The following TSC22D1 variants were observed in gnomAD, a reference collection of about 807,000 sequenced individuals.
TSC22D1 encodes TSC22 domain family protein 1.
TSC22D1 carries 9 observed loss-of-function variants against 74.2 expected under a neutral mutation model. That is an observed-to-expected ratio of 0.12 (90% CI 0.07 to 0.21). The LOEUF is 0.21. TSC22D1 is among the 10% of genes least tolerant of loss of function. The pLI, the probability that TSC22D1 is intolerant of heterozygous loss-of-function variation, is 1.00. For missense variants in TSC22D1, 1,427 were observed against 1,304.7 expected (o/e 1.09, Z -1.44); for synonymous variants, 586 against 492.5 (o/e 1.19, Z -2.51).
At chr13:44,436,778 A>C in intron 1 of TSC22D1, 4 of 1,462,628 alleles carry the variant, frequency 2.7e-6, no homozygotes, top group Non-Finnish European at 3.6e-6. Context: ...CTAGGGCTTG[A>C]TGATCCCAGG....
At chr13:44,554,935 T>G (rs1327733180) in intron 1 of TSC22D1, among the ~76,000 whole-genome samples, 2 of 152,174 alleles carry the variant, frequency 1.3e-5, no homozygotes, top group Non-Finnish European at 2.9e-5. Flanking sequence ...ATGGTACTAA[T>G]GGCATTTAAG....
chr13:44,534,925 T>C (rs1356925682), intron 1 of TSC22D1, among the ~76,000 whole-genome samples: 1 of 152,152 alleles, frequency 6.6e-6, no homozygotes, highest in African/African-American at 2.4e-5. Flanking sequence ...TACAGTATTT[T>C]TACAGTGCTC....
At chr13:44,536,871 T>A in intron 1 of TSC22D1, 1 of 974,134 alleles carries the variant, frequency 1.0e-6, no homozygotes, top group Non-Finnish European at 1.2e-6. Flanking sequence ...ATTTCATACA[T>A]TCACTGGTGA....
At chr13:44,508,718 T>A (rs777801882) in intron 1 of TSC22D1, among the ~76,000 whole-genome samples, 1 of 152,154 alleles carries the variant, frequency 6.6e-6, no homozygotes, top group Non-Finnish European at 1.5e-5. Flanking sequence ...TGGCCCCTGC[T>A]TACCTCTGCA....
chr13:44,573,947 C>A lies in TSC22D1; in HGVS notation c.2128G>T (p.Val710Phe), dbSNP rs1352882023. The change falls in exon 1 of 3, where the codon GTC (valine) becomes TTC (phenylalanine). Residue 710 changes from valine (V) to phenylalanine (F), a missense_variant. Transcript: ENST00000458659. ...GCCGGAGCCTGGCCAACAGGCTGGA[C>A]AGATGCCCCTGCAGGTTGTGCTGGG... Reference protein sequence around the residue: ...AVPAQPAGASVQPVGQAPAAV... With the variant: ...AVPAQPAGASFQPVGQAPAAV... 1 of 1,614,140 alleles carries A rather than the reference C, an allele frequency of 6.2e-7. No homozygotes were observed. Among genetic ancestry groups the A allele is most frequent in the South Asian group, 1.1e-5 (1 of 91,090 alleles).
chr13:44,448,826 G>C (rs769136571), intron 1 of TSC22D1, among the ~76,000 whole-genome samples: 5 of 152,102 alleles, frequency 3.3e-5, no homozygotes, highest in Admixed American at 2.6e-4. Context: ...CTGTTGGATG[G>C]AGCATAGAAC....
chr13:44,569,876 T>A (rs1362110853), intron 1 of TSC22D1, among the ~76,000 whole-genome samples: 1 of 152,020 alleles, frequency 6.6e-6, no homozygotes, highest in Non-Finnish European at 1.5e-5. Flanking sequence ...TTCAAAAAAA[T>A]AATTCATCCC....
At position 44,573,857 on chromosome 13, in the gene TSC22D1, T is replaced by C. The variant is rs749017221; in HGVS notation, c.2218A>G (p.Thr740Ala). 4.8e-5 allele frequency: 77 copies of C among 1,614,082 alleles called. No homozygotes were observed. The highest frequency in any genetic ancestry group is 6.0e-5 in the Non-Finnish European group (71 of 1,180,030). ...TGGGTAGAGGGCTGCTGCACTGCAGTAGGTATGTTTGCTTGCTGACCAATA... is the reference window on the plus strand; with the variant it reads ...TGGGTAGAGGGCTGCTGCACTGCAGCAGGTATGTTTGCTTGCTGACCAATA... Reference protein sequence around the residue: ...ANIGQQANIPTAVQQPSTQVP... With the variant: ...ANIGQQANIPAAVQQPSTQVP... Residue 740 changes from threonine (T) to alanine (A), a missense_variant, in exon 1 of 3, where the codon ACT becomes GCT. Coordinates refer to ENST00000458659, the MANE Select transcript of TSC22D1 (RefSeq NM_183422.4).
chr13:44,457,655 A>AAG (rs1876749179), intron 1 of TSC22D1, among the ~76,000 whole-genome samples: 1 of 151,646 alleles, frequency 6.6e-6, no homozygotes, highest in East Asian at 1.9e-4. Flanking sequence ...AAAAAAAAAA[A>AAG]AAAGGAATAC....
rs368371794 is a variant in TSC22D1, at chr13:44,556,095, A to G, written c.2912+17068T>C. ...CTATTAAATGATAAATAAAGCTACTATATCTTTTAAGATACATCTTTACTA... is the reference window on the plus strand; with the variant it reads ...CTATTAAATGATAAATAAAGCTACTGTATCTTTTAAGATACATCTTTACTA... On this transcript the variant is annotated intron_variant, in intron 1 of 2. Coordinates refer to ENST00000458659, the MANE Select transcript of TSC22D1 (RefSeq NM_183422.4). Among the ~76,000 whole-genome samples the G allele has an allele frequency of 2.8e-4, 43 of 152,278 alleles. No individual in the cohort carries two copies. The South Asian group carries it at 7.2e-3, about 26-fold the overall frequency.
At chr13:44,519,907 A>G (rs1880229005) in intron 1 of TSC22D1, among the ~76,000 whole-genome samples, 2 of 152,142 alleles carry the variant, frequency 1.3e-5, no homozygotes, top group African/African-American at 2.4e-5. Context: ...CTACAGATAT[A>G]CTGAAATACG....
At chr13:44,544,303 G>T (rs1179159660) in intron 1 of TSC22D1, among the ~76,000 whole-genome samples, 5 of 149,040 alleles carry the variant, frequency 3.4e-5, no homozygotes, top group African/African-American at 9.9e-5. Context: ...GATACTGCCA[G>T]AATATCCAAT....
At position 44,575,131 on chromosome 13, in the gene TSC22D1, T is replaced by C. The variant is rs1209967048; in HGVS notation, c.944A>G (p.Asn315Ser). 1 of 1,614,056 alleles carries C rather than the reference T, an allele frequency of 6.2e-7. No individual in the cohort carries two copies. The highest frequency in any genetic ancestry group is 8.5e-7 in the Non-Finnish European group (1 of 1,180,004). Residue 315 changes from asparagine to serine, a missense_variant, in exon 1 of 3, where the codon AAT becomes AGT. Around this residue, in one of 3 missense-constraint regions of TSC22D1, gnomAD observed 1,343 missense variants for 1,191.5 expected, o/e 1.13. Transcript: ENST00000458659. ...ACTACCCACAGCAGTAATGTTAACA[T>C]TATTTACTGTACTAGTGCCAGTAAC... ...NSVTGTSTVN[N>S]VNITAVGSFN... is the part of the protein sequence containing the mutation.
intron 1 of TSC22D1, among the ~76,000 whole-genome samples, chr13:44,448,182 A>G (rs1374316166): frequency 6.6e-6 from 1 of 152,160 alleles, no homozygotes; most frequent in African/African-American, 2.4e-5. Flanking sequence ...CATGCAAGTG[A>G]GGTTCTTGCA....
At chr13:44,512,651 A>G (rs1879787465) in intron 1 of TSC22D1, among the ~76,000 whole-genome samples, 1 of 121,484 alleles carries the variant, frequency 8.2e-6, no homozygotes, top group Non-Finnish European at 1.9e-5. Flanking sequence ...CCTTAGTAAA[A>G]GCAATCTTTT....
At chr13:44,572,840 G>T (rs1595179803) in intron 1 of TSC22D1, among the ~76,000 whole-genome samples, 1 of 152,318 alleles carries the variant, frequency 6.6e-6, no homozygotes, top group East Asian at 1.9e-4. Flanking sequence ...TATTATGTGG[G>T]TTAGCAAAAA....
intron 1 of TSC22D1, among the ~76,000 whole-genome samples, chr13:44,468,639 C>A (rs538328853): frequency 1.2e-4 from 18 of 149,850 alleles, no homozygotes; most frequent in African/African-American, 4.4e-4. Flanking sequence ...GTATTTAATC[C>A]AGCATTTGGG....
At chr13:44,526,219 T>C (rs1880540057) in intron 1 of TSC22D1, among the ~76,000 whole-genome samples, 1 of 152,164 alleles carries the variant, frequency 6.6e-6, no homozygotes, top group Non-Finnish European at 1.5e-5. Flanking sequence ...ATGGCAGATA[T>C]TTTGCAATTA....
chr13:44,474,251 C>G (rs1877767556), intron 1 of TSC22D1: 1 of 985,328 alleles, frequency 1.0e-6, no homozygotes, highest in Admixed American at 6.1e-5. Flanking sequence ...GGAAAAGCTT[C>G]ACGCTACAGA....
Sources: allele counts gnomAD v4.1 joint callset (sites outside exome capture counted in the v4.1 genomes callset), GRCh38; gene constraint gnomAD v4.1.1; regional missense constraint gnomAD v4.1.1; transcripts MANE v1.5; gene names NCBI Gene and HGNC (gene_info 2026-07-23, HGNC 2026-07-21).